GYPC: variants seen among roughly 807,000 people sequenced by gnomAD.
The protein encoded by GYPC is glycophorin C (Gerbich blood group).
GYPC carries 14 observed loss-of-function variants against 12.6 expected under a neutral mutation model. That is an observed-to-expected ratio of 1.11 (90% CI 0.74 to 1.74). The LOEUF (loss-of-function observed/expected upper bound fraction) is 1.74. Among genes scored for constraint, GYPC ranks in the 40% most tolerant of loss-of-function variants. The pLI, the probability that GYPC is intolerant of heterozygous loss-of-function variation, is 0.00. For missense variants in GYPC, 225 were observed against 172.1 expected (o/e 1.31, Z -1.72); for synonymous variants, 78 against 62.1 (o/e 1.26, Z -1.20).
chr2:126,668,569 A>G (rs964613437), intron 1 of GYPC, among the ~76,000 whole-genome samples: 2 of 152,226 alleles, frequency 1.3e-5, no homozygotes, highest in African/African-American at 4.8e-5. Context: ...TTATCACTTT[A>G]CCAATTAGTT....
intron 3 of GYPC, among the ~76,000 whole-genome samples, chr2:126,695,302 G>C (rs931353435): frequency 1.4e-4 from 22 of 152,128 alleles, no homozygotes; most frequent in Non-Finnish European, 1.5e-5. Flanking sequence ...TGATTCTAAC[G>C]TGTCTGCAGA....
intron 1 of GYPC, among the ~76,000 whole-genome samples, chr2:126,673,589 C>A (rs1161472577): frequency 6.6e-6 from 1 of 152,198 alleles, no homozygotes; most frequent in African/African-American, 2.4e-5. Flanking sequence ...TAAAGCCACA[C>A]CAATAGCAAA....
Position 126,693,880 on chromosome 2 carries a change from G to T in GYPC, c.123G>T (p.Met41Ile), listed in dbSNP as rs1169172276. The change falls in exon 3 of 4, where the codon ATG becomes ATT. Residue 41 changes from methionine to isoleucine, a missense_variant. Transcript: ENST00000259254. ...TGTTCACAGAGCCTGATCCAGGGATGTCTGGATGGCCGGATGGCAGAATGG... is the reference window on the plus strand; with the variant it reads ...TGTTCACAGAGCCTGATCCAGGGATTTCTGGATGGCCGGATGGCAGAATGG... The part of the protein sequence containing the change: ...TTTIAEPDPG[M>I]SGWPDGRMET... The T allele has an allele frequency of 6.2e-7, 1 of 1,609,212 alleles. No individual in the cohort carries two copies. Among genetic ancestry groups the T allele is most frequent in the Non-Finnish European group, 8.5e-7 (1 of 1,175,482 alleles).
chr2:126,663,995 TCTCTCTG>T (rs1682613985), intron 1 of GYPC, among the ~76,000 whole-genome samples: 1 of 124,320 alleles, frequency 8.0e-6, no homozygotes, highest in Admixed American at 7.8e-5. Flanking sequence ...TCTCTCTCTC[TCTCTCTG>T]GAGAAAGCTC....
At position 126,690,328 on chromosome 2, in the gene GYPC, G is replaced by C. The variant is rs1165023127; in HGVS notation, c.106+17G>C. The C allele has an allele frequency of 1.9e-6, 3 of 1,581,094 alleles. No homozygotes were observed. Among genetic ancestry groups the C allele is most frequent in the Non-Finnish European group, 2.6e-6 (3 of 1,149,970 alleles). ...CCATTGCAGGTGAGTTCTCATCACA[G>C]AGCCTCACCATAATGGAAACTGCCG... On this transcript the variant is annotated intron_variant, in intron 2 of 3. Coordinates refer to ENST00000259254, the MANE Select transcript of GYPC (RefSeq NM_002101.5).
rs121912761 is a variant in GYPC at position 126,656,303 on chromosome 2, C to A, written c.40C>A (p.Leu14Ile). Residue 14 changes from leucine to isoleucine, a missense_variant, in exon 1 of 4, where the codon CTC (leucine) becomes ATC (isoleucine). Leu to Ile is a conservative substitution (Grantham distance 5, BLOSUM62 2). Coordinates refer to ENST00000259254, the MANE Select transcript of GYPC (RefSeq NM_002101.5). ...AAGCCCCAACAGCACGGCGTGGCCT[C>A]TCAGCCTCGGTGAGTACCCGCCGTG... ...TRSPNSTAWP[L>I]SLEPDPGMAS... The A allele has an allele frequency of 3.1e-6, 5 of 1,592,714 alleles. No homozygotes were observed. Among genetic ancestry groups the A allele is most frequent in the Non-Finnish European group, 4.3e-6 (5 of 1,171,232 alleles).
chr2:126,665,094 A>G (rs1279110221), intron 1 of GYPC, among the ~76,000 whole-genome samples: 1 of 152,142 alleles, frequency 6.6e-6, no homozygotes, highest in Non-Finnish European at 1.5e-5. Context: ...GCCCTATTTC[A>G]TTATTGCAGA....
chr2:126,656,379 G>A, intron 1 of GYPC, 67 bp downstream of exon 1: 3 of 1,388,958 alleles, frequency 2.2e-6, no homozygotes, highest in Admixed American at 2.0e-5. Flanking sequence ...GCAGCCAGGG[G>A]CCGAGCCACG....
intron 1 of GYPC, among the ~76,000 whole-genome samples, chr2:126,673,409 G>A (rs28387137): frequency 0.23 from 34,305 of 152,054 alleles, 4,762 homozygotes; most frequent in Non-Finnish European, 0.32. Flanking sequence ...GGTGGAGAAG[G>A]TGATCACGTT....
At chr2:126,692,376 A>T (rs1328346323) in intron 2 of GYPC, among the ~76,000 whole-genome samples, 1 of 152,042 alleles carries the variant, frequency 6.6e-6, no homozygotes, top group African/African-American at 2.4e-5. Flanking sequence ...CTCACCCATT[A>T]TGACTCCTGA....
intron 3 of GYPC, among the ~76,000 whole-genome samples, chr2:126,695,554 G>GC (rs1464260723): frequency 6.6e-6 from 1 of 152,196 alleles, no homozygotes. Flanking sequence ...GAATGCAAAA[G>GC]CATTCAGTAG....
At chr2:126,689,294 T>C (rs1411337972) in intron 1 of GYPC, among the ~76,000 whole-genome samples, 1 of 152,136 alleles carries the variant, frequency 6.6e-6, no homozygotes, top group Non-Finnish European at 1.5e-5. Flanking sequence ...AGCTGTGTGA[T>C]CATGGGCACA....
chr2:126,685,841 A>G (rs957359274), intron 1 of GYPC: 1 of 985,032 alleles, frequency 1.0e-6, no homozygotes, highest in Non-Finnish European at 1.2e-6. Flanking sequence ...GTCTCCAAGG[A>G]CCCCCATGAA....
rs1210550972 is a variant in GYPC, at chr2:126,686,841, C to A, written c.50-3414C>A. Among the ~76,000 whole-genome samples, 3 of 152,058 alleles carry A rather than the reference C, an allele frequency of 2.0e-5. 1 individual carries two copies. Among genetic ancestry groups the A allele is most frequent in the African/African-American group, 7.3e-5 (3 of 41,376 alleles). On this transcript the variant is annotated intron_variant, in intron 1 of 3. Transcript: ENST00000259254. ...CACCTTATTCTGCCATGAACCCACC[C>A]CCAAGGCTGCCCGCAGATCACCCCC...
At position 126,696,193 on chromosome 2, in the gene GYPC, A is replaced by T. The variant is rs1270081791; in HGVS notation, c.*51A>T. Reference sequence around the variant, plus strand: ...ATGCCTCCCCCATCTCCATCAGGAAAAATACACCCCATCGCCCAGCACCCC... The same window carrying T: ...ATGCCTCCCCCATCTCCATCAGGAATAATACACCCCATCGCCCAGCACCCC... On this transcript the variant is annotated 3_prime_UTR_variant, in exon 4 of 4. Transcript: ENST00000259254. 1 of 1,336,640 alleles carries T rather than the reference A, an allele frequency of 7.5e-7. No homozygotes were observed. The highest frequency in any genetic ancestry group is 1.1e-6 in the Non-Finnish European group (1 of 932,830). The allele number at this position is 1,336,640 out of a possible 1,614,324, so 82.8% of individuals were successfully genotyped here.
At chr2:126,695,769 A>G (rs572549803) in intron 3 of GYPC, among the ~76,000 whole-genome samples, 177 bp from the exon 4 acceptor site, 1 of 152,364 alleles carries the variant, frequency 6.6e-6, no homozygotes. Flanking sequence ...TTTCATTTAC[A>G]GTATTTTTAA....
At chr2:126,667,987 CA>C (rs750107362) in intron 1 of GYPC, among the ~76,000 whole-genome samples, 4 of 152,150 alleles carry the variant, frequency 2.6e-5, no homozygotes, top group Admixed American at 2.0e-4. Flanking sequence ...CAGAATAAGT[CA>C]AAAAGCTGAT....
chr2:126,670,528 G>T (rs977146039), intron 1 of GYPC, among the ~76,000 whole-genome samples: 7 of 152,166 alleles, frequency 4.6e-5, no homozygotes, highest in African/African-American at 1.7e-4. Context: ...TCCCTAGAAG[G>T]GACTGAGGCA....
chr2:126,663,931 G>C (rs1573556911), intron 1 of GYPC, among the ~76,000 whole-genome samples: 1 of 150,058 alleles, frequency 6.7e-6, no homozygotes, highest in Non-Finnish European at 1.5e-5. Flanking sequence ...GCTTGGAGCT[G>C]GGTCTCTCTA....
Sources: gnomAD v4.1 joint callset for allele counts (sites outside exome capture counted in the v4.1 genomes callset) on GRCh38, gnomAD v4.1.1 for gene constraint, MANE v1.5 for transcripts, NCBI Gene and HGNC (gene_info 2026-07-23, HGNC 2026-07-21) for gene names.